Variants in LRMDA observed in about 807,000 individuals in gnomAD.
LRMDA encodes the protein leucine rich melanocyte differentiation associated.
A neutral mutation model predicts 29.8 loss-of-function variants in LRMDA; 18 were observed. That is an observed-to-expected ratio of 0.60 (90% CI 0.42 to 0.90). The LOEUF is 0.90. LRMDA is among the 40% of genes least tolerant of loss of function. LRMDA has a pLI of 0.00. For synonymous variants in LRMDA, 125 were observed against 109.4 expected (o/e 1.14, Z -0.89); for missense variants, 273 against 273.9 (o/e 1.00, Z 0.02).
At chr10:76,484,957 C>A (rs1842767325) in intron 6 of LRMDA, among the ~76,000 whole-genome samples, 1 of 151,770 alleles carries the variant, frequency 6.6e-6, no homozygotes, top group African/African-American at 2.4e-5. Context: ...ATTAAGGTAT[C>A]TAGTACAGCT....
chr10:76,442,476 A>G (rs1842313939), intron 6 of LRMDA, among the ~76,000 whole-genome samples: 1 of 152,186 alleles, frequency 6.6e-6, no homozygotes, highest in South Asian at 2.1e-4. Flanking sequence ...AGACTGCTTG[A>G]GCCCAGGAGT....
intron 2 of LRMDA, among the ~76,000 whole-genome samples, chr10:75,567,780 A>C (rs970521521): frequency 6.6e-6 from 1 of 152,186 alleles, no homozygotes; most frequent in Non-Finnish European, 1.5e-5. Flanking sequence ...ATGATCCCCC[A>C]GTATTTTATC....
chr10:75,755,558 G>T (rs1843021932), intron 2 of LRMDA, among the ~76,000 whole-genome samples: 1 of 152,236 alleles, frequency 6.6e-6, no homozygotes, highest in Admixed American at 6.5e-5. Context: ...TTAAGGTAAG[G>T]TGATCTGCTG....
At chr10:76,241,750 C>A (rs1163174373) in intron 5 of LRMDA, among the ~76,000 whole-genome samples, 1 of 152,126 alleles carries the variant, frequency 6.6e-6, no homozygotes, top group Admixed American at 6.5e-5. Context: ...CCCCCATCCT[C>A]ACCAGGCTTA....
Position 76,365,222 on chromosome 10 carries a change from A to G in LRMDA, c.601+40737A>G, listed in dbSNP as rs912566076. ...TGTGCTCCTGTAAACATGCATGTGCATGTCTTCAAATAATGACTTCTTTTC... is the reference window on the plus strand; with the variant it reads ...TGTGCTCCTGTAAACATGCATGTGCGTGTCTTCAAATAATGACTTCTTTTC... On this transcript the variant is annotated intron_variant, in intron 6 of 6. Transcript: ENST00000611255. Among the ~76,000 whole-genome samples the G allele has an allele frequency of 4.0e-5, 6 of 151,576 alleles. No individual in the cohort carries two copies. In the East Asian group the frequency reaches 9.7e-4, roughly 25 times the overall value.
intron 2 of LRMDA, among the ~76,000 whole-genome samples, chr10:75,643,484 TC>T (rs1841479122): frequency 6.6e-6 from 1 of 152,168 alleles, no homozygotes; most frequent in Non-Finnish European, 1.5e-5. Flanking sequence ...TGGTGTAACT[TC>T]CCTGCACTCT....
intron 2 of LRMDA, among the ~76,000 whole-genome samples, chr10:76,028,625 A>G (rs947197204): frequency 1.3e-5 from 2 of 152,096 alleles, no homozygotes; most frequent in Non-Finnish European, 2.9e-5. Context: ...GGCAAAAAAC[A>G]AAAACAACAA....
In LRMDA at chr10:75,431,765, G is replaced by A. The variant is rs1844199935; in HGVS notation, c.30+11G>A. 4 of 1,362,316 alleles carry A rather than the reference G, an allele frequency of 2.9e-6. No homozygotes were observed. The highest frequency in any genetic ancestry group is 3.8e-6 in the Non-Finnish European group (4 of 1,051,614). 84.4% of individuals were successfully genotyped at this position (1,362,316 alleles called of 1,614,324 possible). The stretch of plus-strand genomic sequence containing the variant: ...GTGCGTGGAACTCAAGTAAGTCCCG[G>A]CCAGCCCCGCCTCCGCCCGGGGCGC... On this transcript the variant is annotated intron_variant, in intron 1 of 6. Coordinates refer to ENST00000611255, the MANE Select transcript of LRMDA (RefSeq NM_001305581.2).
intron 6 of LRMDA, among the ~76,000 whole-genome samples, chr10:76,399,043 A>G (rs763216633): frequency 1.3e-5 from 2 of 152,184 alleles, no homozygotes; most frequent in Admixed American, 6.5e-5. Context: ...AAAATTTTGT[A>G]TCATGGAAGA....
chr10:75,888,706 A>G (rs939124388), intron 2 of LRMDA, among the ~76,000 whole-genome samples: 5 of 152,230 alleles, frequency 3.3e-5, no homozygotes, highest in African/African-American at 1.2e-4. Context: ...TTACTTCTGC[A>G]TGATGACAGA....
intron 6 of LRMDA, among the ~76,000 whole-genome samples, chr10:76,552,190 C>A (rs1843504378): frequency 1.3e-5 from 2 of 152,194 alleles, no homozygotes; most frequent in Non-Finnish European, 2.9e-5. Flanking sequence ...TTTTTATATG[C>A]AGATTGTTTT....
At chr10:75,461,078 A>T (rs1239550218) in intron 2 of LRMDA, among the ~76,000 whole-genome samples, 1 of 152,210 alleles carries the variant, frequency 6.6e-6, no homozygotes, top group Non-Finnish European at 1.5e-5. Context: ...CCCCTATAAC[A>T]AAAGACAGAT....
intron 2 of LRMDA, among the ~76,000 whole-genome samples, chr10:75,531,098 C>G (rs1382831528): frequency 6.6e-6 from 1 of 152,122 alleles, no homozygotes; most frequent in Non-Finnish European, 1.5e-5. Flanking sequence ...TCTTGAGTGT[C>G]TGTGTGTGCC....
At chr10:76,123,949 A>G (rs1305431907) in intron 5 of LRMDA, among the ~76,000 whole-genome samples, 1 of 152,186 alleles carries the variant, frequency 6.6e-6, no homozygotes, top group Admixed American at 6.5e-5. Flanking sequence ...TACTATTACC[A>G]AAGAGGCAAC....
chr10:75,686,916 G>A (rs1316057770), intron 2 of LRMDA, among the ~76,000 whole-genome samples: 1 of 152,140 alleles, frequency 6.6e-6, no homozygotes, highest in Admixed American at 6.5e-5. Context: ...ATGACTATAT[G>A]TATTATGCTG....
At chr10:76,051,336 G>C (rs1283520328) in intron 4 of LRMDA, among the ~76,000 whole-genome samples, 1 of 152,254 alleles carries the variant, frequency 6.6e-6, no homozygotes, top group African/African-American at 2.4e-5. Flanking sequence ...GAGGGCCTTG[G>C]TCTGTCCTGT....
At chr10:76,553,148 T>C (rs76193717) in intron 6 of LRMDA, among the ~76,000 whole-genome samples, 7,660 of 152,294 alleles carry the variant, frequency 0.05, 289 homozygotes, top group South Asian at 0.11. Flanking sequence ...CCCCAGGGGA[T>C]GTTGCCCTGT....
chr10:75,524,474 G>A (rs536848505), intron 2 of LRMDA, among the ~76,000 whole-genome samples: 9 of 152,248 alleles, frequency 5.9e-5, no homozygotes, highest in East Asian at 5.8e-4. Flanking sequence ...GTAATTTAGC[G>A]TCTTGGTGTG....
intron 5 of LRMDA, among the ~76,000 whole-genome samples, chr10:76,156,404 G>T (rs1564669451): frequency 6.6e-6 from 1 of 152,132 alleles, no homozygotes; most frequent in Non-Finnish European, 1.5e-5. Context: ...CCCAGCCAAA[G>T]ATCTTGATTC....
Sources: allele counts gnomAD v4.1 joint callset (sites outside exome capture counted in the v4.1 genomes callset), GRCh38; gene constraint gnomAD v4.1.1; transcripts MANE v1.5; gene names NCBI Gene and HGNC (gene_info 2026-07-23, HGNC 2026-07-21).